Variants in NBAS observed in about 807,000 individuals in gnomAD.
The protein encoded by NBAS is NBAS subunit of NRZ tethering complex.
NBAS carries 219 observed loss-of-function variants against 302.5 expected under a neutral mutation model. The ratio of observed to expected loss-of-function variants is 0.72; its 90% CI spans 0.65 to 0.81. The LOEUF is 0.81. NBAS is among the 30% of genes least tolerant of loss of function. The pLI is 0.00. For synonymous variants in NBAS, 1,118 were observed against 1,021.6 expected, an observed-to-expected ratio of 1.09 and a Z score of -1.80; for missense variants, 2,932 against 2,841.6, an observed-to-expected ratio of 1.03 and a Z score of -0.72.
the NBAS span, among the ~76,000 whole-genome samples, chr2:14,819,958 A>G: frequency 6.6e-6 from 1 of 152,210 alleles, no homozygotes; most frequent in Non-Finnish European, 1.5e-5. Flanking sequence ...CAAAACTACA[A>G]TGAGATATCC....
chr2:15,228,585 C>A (rs1480070483), intron 47 of NBAS, among the ~76,000 whole-genome samples: 1 of 152,186 alleles, frequency 6.6e-6, no homozygotes, highest in Non-Finnish European at 1.5e-5. Flanking sequence ...ACAGAATCAA[C>A]CTAAATGCCC....
the NBAS span, among the ~76,000 whole-genome samples, chr2:15,131,258 G>A: frequency 6.6e-6 from 1 of 152,152 alleles, no homozygotes; most frequent in East Asian, 1.9e-4. Context: ...GCAATTTCCT[G>A]ATATCAAGCT....
At chr2:15,234,060 C>T (rs1255133108) in intron 46 of NBAS, among the ~76,000 whole-genome samples, 3 of 152,118 alleles carry the variant, frequency 2.0e-5, no homozygotes, top group Admixed American at 6.6e-5. Flanking sequence ...CGGTTTTATG[C>T]CATTAATTGC....
intron 38 of NBAS, among the ~76,000 whole-genome samples, chr2:15,310,674 A>G (rs1306056346): frequency 6.6e-6 from 1 of 152,176 alleles, no homozygotes; most frequent in Non-Finnish European, 1.5e-5. Context: ...CGTAATCTCA[A>G]CACTTGTCTA....
At chr2:15,070,328 G>C in the NBAS span, among the ~76,000 whole-genome samples, 2 of 152,216 alleles carry the variant, frequency 1.3e-5, no homozygotes, top group African/African-American at 2.4e-5. Flanking sequence ...GTCCACCCTG[G>C]TCCCTCTTGT....
chr2:14,966,843 A>G, the NBAS span, among the ~76,000 whole-genome samples: 1 of 152,248 alleles, frequency 6.6e-6, no homozygotes, highest in East Asian at 1.9e-4. Context: ...CCATATTCAA[A>G]TAAAATAGTA....
chr2:15,170,616 T>C (rs1664252265), intron 51 of NBAS, among the ~76,000 whole-genome samples: 1 of 152,204 alleles, frequency 6.6e-6, no homozygotes, highest in Non-Finnish European at 1.5e-5. Flanking sequence ...CTTATTTCCT[T>C]TCTCTGACAT....
chr2:15,110,842 A>G, the NBAS span, among the ~76,000 whole-genome samples: 1 of 152,334 alleles, frequency 6.6e-6, no homozygotes, highest in East Asian at 1.9e-4. Context: ...ATGAGCATAA[A>G]TTCAGAGATA....
At chr2:15,040,157 G>C in the NBAS span, among the ~76,000 whole-genome samples, 1 of 152,166 alleles carries the variant, frequency 6.6e-6, no homozygotes, top group South Asian at 2.1e-4. Context: ...AGGAGCCAAA[G>C]GAGGTCTCAA....
At chr2:15,034,231 AGAAG>A in the NBAS span, among the ~76,000 whole-genome samples, 24,227 of 90,714 alleles carry the variant, frequency 0.27, 4,787 homozygotes, top group African/African-American at 0.35. Flanking sequence ...AGGGAAAGAA[AGAAG>A]GAAAGAAAGA....
the NBAS span, among the ~76,000 whole-genome samples, chr2:15,149,820 CA>C: frequency 6.6e-6 from 1 of 152,074 alleles, no homozygotes; most frequent in Admixed American, 6.6e-5. Context: ...TTCCTAAAAT[CA>C]AATTCTAAAT....
At chr2:15,219,305 T>A (rs980950891) in intron 47 of NBAS, among the ~76,000 whole-genome samples, 2 of 65,976 alleles carry the variant, frequency 3.0e-5, no homozygotes, top group African/African-American at 2.0e-4. Context: ...TTCTAGTAAT[T>A]TTTTTTTTTT....
chr2:14,825,703 GC>G, the NBAS span, among the ~76,000 whole-genome samples: 3 of 152,080 alleles, frequency 2.0e-5, no homozygotes, highest in Non-Finnish European at 4.4e-5. Flanking sequence ...AAATACCTAA[GC>G]AATTCAAACT....
the NBAS span, among the ~76,000 whole-genome samples, chr2:14,976,272 T>A: frequency 2.9e-3 from 447 of 152,218 alleles, 1 homozygote; most frequent in African/African-American, 0.01. Flanking sequence ...CTGAGATAAG[T>A]GTTTATTGCT....
the NBAS span, among the ~76,000 whole-genome samples, chr2:15,111,573 G>T: frequency 1.3e-5 from 2 of 152,018 alleles, no homozygotes; most frequent in Admixed American, 6.6e-5. Flanking sequence ...AGTACATATT[G>T]CTCTCTATGT....
chr2:14,793,353 A>C, the NBAS span, among the ~76,000 whole-genome samples: 1 of 152,234 alleles, frequency 6.6e-6, no homozygotes, highest in Admixed American at 6.5e-5. Flanking sequence ...GAAAAATAAG[A>C]AATCTCAGCA....
chr2:14,890,844 CA>C, the NBAS span: 896 of 141,008 alleles, frequency 6.4e-3, 13 homozygotes, highest in South Asian at 0.011. Flanking sequence ...AACAAACAAA[CA>C]AACAACAACA....
intron 48 of NBAS, among the ~76,000 whole-genome samples, chr2:15,196,977 A>T (rs1665653972): frequency 6.6e-6 from 1 of 152,230 alleles, no homozygotes; most frequent in African/African-American, 2.4e-5. Flanking sequence ...AAGAAAACAA[A>T]GATACAACAC....
At chr2:15,483,447 A>C (rs2148602585) in intron 12 of NBAS, 1 of 292,910 alleles carries the variant, frequency 3.4e-6, no homozygotes, top group South Asian at 3.2e-5. Flanking sequence ...AAGAAGTACA[A>C]ATAGACAAAT....
Sources: gnomAD v4.1 joint callset for allele counts (sites outside exome capture counted in the v4.1 genomes callset) on GRCh38, gnomAD v4.1.1 for gene constraint, MANE v1.5 for transcripts, NCBI Gene and HGNC (gene_info 2026-07-23, HGNC 2026-07-21) for gene names.